The following INPP4B variants were observed in gnomAD, a reference collection of about 807,000 sequenced individuals.
INPP4B encodes inositol polyphosphate-4-phosphatase type II B, also known as inositol polyphosphate 4-phosphatase type II.
In INPP4B, 55 loss-of-function variants were observed where a neutral mutation model predicts 122.5. That is an observed-to-expected ratio of 0.45 (90% CI 0.36 to 0.56). The LOEUF (loss-of-function observed/expected upper bound fraction) is 0.56. Among genes scored for constraint, INPP4B ranks in the 20% least tolerant of loss-of-function variants. The probability of loss-of-function intolerance (pLI) is 0.00; values close to 1 mark genes in which losing one functional copy is unlikely to be tolerated. For synonymous variants in INPP4B, 403 were observed against 388.7 expected, an observed-to-expected ratio of 1.04 and a Z score of -0.43; for missense variants, 1,000 against 1,097.7, an observed-to-expected ratio of 0.91 and a Z score of 1.26.
intron 9 of INPP4B, among the ~76,000 whole-genome samples, chr4:142,297,990 T>C (rs72722471): frequency 0.11 from 17,405 of 152,218 alleles, 1,136 homozygotes; most frequent in Middle Eastern, 0.21. Flanking sequence ...CATTAATAGA[T>C]GTTAAAGAGA....
chr4:142,228,412 T>C (rs1852597631), intron 12 of INPP4B, among the ~76,000 whole-genome samples: 1 of 152,040 alleles, frequency 6.6e-6, no homozygotes, highest in Admixed American at 6.6e-5. Flanking sequence ...GACCATATAC[T>C]TAAATGTAAA....
intron 1 of INPP4B, among the ~76,000 whole-genome samples, chr4:142,804,056 C>CATTA: frequency 7.1e-6 from 1 of 141,740 alleles, no homozygotes; most frequent in East Asian, 2.0e-4. Flanking sequence ...GAGACTCCAT[C>CATTA]ATAAATAAAT....
chr4:142,042,232 A>G (rs768284931), intron 25 of INPP4B, among the ~76,000 whole-genome samples: 2 of 152,168 alleles, frequency 1.3e-5, no homozygotes, highest in African/African-American at 2.4e-5. Flanking sequence ...CAACCAATGC[A>G]CAATGCTAGT....
chr4:142,150,737 A>G lies in INPP4B; in HGVS notation c.1564-4741T>C, dbSNP rs77643788. ...TGATGGACGTCGCCAGGGGGACATT[A>G]CACCTGGCAGATGAGCCATGAAGGC... On this transcript the variant is annotated intron_variant, in intron 17 of 25. Transcript: ENST00000262992. Among the ~76,000 whole-genome samples the G allele has an allele frequency of 3.2e-3, 495 of 152,324 alleles. 3 individuals carry two copies. The highest frequency in any genetic ancestry group is 0.011 in the African/African-American group (447 of 41,580).
chr4:142,437,154 T>A (rs1810709648), intron 3 of INPP4B, among the ~76,000 whole-genome samples: 1 of 151,478 alleles, frequency 6.6e-6, no homozygotes, highest in South Asian at 2.1e-4. Flanking sequence ...GCAGAAGAAA[T>A]AATTTCAGAG....
intron 2 of INPP4B, among the ~76,000 whole-genome samples, chr4:142,519,827 T>A (rs539359124): frequency 1.8e-4 from 28 of 152,230 alleles, no homozygotes; most frequent in African/African-American, 6.5e-4. Context: ...CATTTACTCT[T>A]TATATCACTA....
intron 2 of INPP4B, among the ~76,000 whole-genome samples, chr4:142,640,126 C>T (rs958752475): frequency 2.6e-5 from 4 of 151,668 alleles, no homozygotes; most frequent in South Asian, 2.1e-4. Flanking sequence ...CAAACTAGAC[C>T]GAATGTCATA....
intron 2 of INPP4B, among the ~76,000 whole-genome samples, chr4:142,702,167 C>T (rs1427619378): frequency 1.3e-5 from 2 of 151,586 alleles, no homozygotes; most frequent in African/African-American, 4.9e-5. Flanking sequence ...GCTTTGTCCT[C>T]TTTAAGCTTT....
intron 9 of INPP4B, among the ~76,000 whole-genome samples, chr4:142,284,304 A>G (rs561475587): frequency 6.6e-6 from 1 of 152,278 alleles, no homozygotes; most frequent in South Asian, 2.1e-4. Context: ...AAAATAATTT[A>G]TGATGCAAAA....
At chr4:142,224,743 T>G (rs1850792783) in intron 12 of INPP4B, among the ~76,000 whole-genome samples, 1 of 152,090 alleles carries the variant, frequency 6.6e-6, no homozygotes, top group Non-Finnish European at 1.5e-5. Context: ...AAATATAGAA[T>G]ACCGAATATC....
chr4:142,257,241 C>T (rs1051924613), intron 11 of INPP4B, among the ~76,000 whole-genome samples: 7 of 152,190 alleles, frequency 4.6e-5, no homozygotes, highest in African/African-American at 1.4e-4. Context: ...AAACCCACAG[C>T]CAATATCATA....
intron 1 of INPP4B, among the ~76,000 whole-genome samples, chr4:142,769,265 A>C (rs1282582991): frequency 1.3e-5 from 2 of 152,120 alleles, no homozygotes; most frequent in Non-Finnish European, 2.9e-5. Flanking sequence ...TACCTAGTGC[A>C]TGCTCTCTGC....
chr4:142,810,002 T>A (rs1779305145), intron 1 of INPP4B, among the ~76,000 whole-genome samples: 3 of 151,962 alleles, frequency 2.0e-5, no homozygotes, highest in Admixed American at 6.6e-5. Flanking sequence ...AACCTTTGTC[T>A]GTACTAAAAA....
At chr4:142,828,444 C>T (rs1198784133) in intron 1 of INPP4B, among the ~76,000 whole-genome samples, 1 of 152,066 alleles carries the variant, frequency 6.6e-6, no homozygotes, top group African/African-American at 2.4e-5. Context: ...AATTGATTAC[C>T]TTATCTAAAA....
chr4:142,118,477 A>T (rs145564200), intron 21 of INPP4B, among the ~76,000 whole-genome samples: 2,308 of 152,312 alleles, frequency 0.015, 38 homozygotes, highest in East Asian at 0.06. Context: ...CAGGGCCTTC[A>T]GAAATAATAC....
At chr4:142,100,824 G>GA (rs1008048723) in intron 23 of INPP4B, among the ~76,000 whole-genome samples, 8 of 152,072 alleles carry the variant, frequency 5.3e-5, no homozygotes, top group African/African-American at 1.7e-4. Flanking sequence ...TTAGTTGAGA[G>GA]AAAAAATGGC....
At chr4:142,761,452 T>A (rs1182628989) in intron 1 of INPP4B, among the ~76,000 whole-genome samples, 1 of 152,166 alleles carries the variant, frequency 6.6e-6, no homozygotes, top group East Asian at 1.9e-4. Context: ...CATCAGTATG[T>A]GGCCAAGATT....
intron 7 of INPP4B, among the ~76,000 whole-genome samples, chr4:142,366,127 C>A (rs1287123917): frequency 1.3e-5 from 2 of 151,990 alleles, no homozygotes; most frequent in East Asian, 3.9e-4. Flanking sequence ...TGTAATCTCC[C>A]TCACCATTAA....
chr4:142,622,570 A>G (rs1745196613), intron 2 of INPP4B, among the ~76,000 whole-genome samples: 1 of 151,954 alleles, frequency 6.6e-6, no homozygotes, highest in African/African-American at 2.4e-5. Context: ...GTGGAGAAGG[A>G]GAAAAAAATA....
Sources: allele counts gnomAD v4.1 joint callset (sites outside exome capture counted in the v4.1 genomes callset), GRCh38; gene constraint gnomAD v4.1.1; transcripts MANE v1.5; gene names NCBI Gene and HGNC (gene_info 2026-07-23, HGNC 2026-07-21).